Variants in ANAPC4 observed in about 807,000 individuals in gnomAD.
ANAPC4 encodes anaphase promoting complex subunit 4, also known as anaphase-promoting complex subunit 4.
A neutral mutation model predicts 119.8 loss-of-function variants in ANAPC4; 63 were observed. The observed-to-expected ratio is 0.53, with a 90% CI of 0.43 to 0.65. The LOEUF (loss-of-function observed/expected upper bound fraction) is 0.65, where lower values mean the gene tolerates loss of function less well. Ranked by LOEUF, ANAPC4 falls within the 30% of genes least tolerant of loss-of-function variation. ANAPC4 has a pLI of 0.00. For missense variants in ANAPC4, 716 were observed against 945.1 expected (o/e 0.76, Z 3.18); for synonymous variants, 283 against 318.6 (o/e 0.89, Z 1.19).
Position 25,405,019 on chromosome 4 carries a change from A to G in ANAPC4, c.1271-554A>G, listed in dbSNP as rs1331044452. Among the ~76,000 whole-genome samples, 1 of 151,894 alleles carries G rather than the reference A, an allele frequency of 6.6e-6. No individual in the cohort carries two copies. Among genetic ancestry groups the G allele is most frequent in the Non-Finnish European group, 1.5e-5 (1 of 67,992 alleles). ...TTCAAATACCATGCAGAGGCACATA[A>G]AACATACTTTGTCTTGACTTAGGTG... On this transcript the variant is annotated intron_variant, in intron 17 of 28. Transcript: ENST00000315368. The surrounding 1 kb of genome is among the most constrained non-coding windows in gnomAD (Gnocchi z 4.6).
At chr4:25,409,285 TGAAAAA>T (rs1346550615) in intron 20 of ANAPC4, among the ~76,000 whole-genome samples, 1 of 152,234 alleles carries the variant, frequency 6.6e-6, no homozygotes, top group Non-Finnish European at 1.5e-5. Context: ...AATATGCTCA[TGAAAAA>T]GAAACACAAT....
At chr4:25,401,360 A>G (rs1722961681) in intron 16 of ANAPC4, among the ~76,000 whole-genome samples, 1 of 152,178 alleles carries the variant, frequency 6.6e-6, no homozygotes, top group Non-Finnish European at 1.5e-5. Flanking sequence ...CCCACGTGAA[A>G]GTGCCTTAGC....
chr4:25,416,727 A>C, intron 27 of ANAPC4, 129 bp downstream of exon 27: 1 of 681,188 alleles, frequency 1.5e-6, no homozygotes, highest in Non-Finnish European at 2.2e-6. Flanking sequence ...GAGGTAGCTG[A>C]GCAGAAATGC....
chr4:25,409,607 A>G (rs962732590), intron 20 of ANAPC4, 91 bp from the exon 21 acceptor site: 2 of 933,616 alleles, frequency 2.1e-6, no homozygotes, highest in Non-Finnish European at 3.3e-6. Context: ...GATTTACTAA[A>G]CTTAACTTTT....
chr4:25,410,154 A>G (rs186698384), intron 21 of ANAPC4, among the ~76,000 whole-genome samples: 52 of 152,260 alleles, frequency 3.4e-4, no homozygotes, highest in African/African-American at 1.1e-3. Context: ...GGGATGCTCA[A>G]CTGTATTCTC....
chr4:25,415,561 G>T (rs956917086), intron 26 of ANAPC4, 21 bp downstream of exon 26: 2 of 1,597,608 alleles, frequency 1.3e-6, no homozygotes, highest in Non-Finnish European at 1.7e-6. Flanking sequence ...AATCTTGTTT[G>T]GATGAAATGT....
At chr4:25,379,577 G>C (rs979747278) in intron 2 of ANAPC4, among the ~76,000 whole-genome samples, 3 of 152,222 alleles carry the variant, frequency 2.0e-5, no homozygotes, top group Admixed American at 6.5e-5. Context: ...CCTCAGGTGA[G>C]AGGCACATTT....
rs1047171125 is a variant in ANAPC4 at position 25,381,521 on chromosome 4, A to G, written c.235+1042A>G. Among the ~76,000 whole-genome samples, 7 of 151,986 alleles carry G rather than the reference A, an allele frequency of 4.6e-5. No homozygotes were observed. The East Asian group carries it at 1.4e-3, about 30-fold the overall frequency. On this transcript the variant is annotated intron_variant, in intron 3 of 28. Transcript: ENST00000315368. Reference sequence around the variant, plus strand: ...GAGAAAAGGTTTCACTGTGTTGGCCAGGCTGGTCTCGAACGCCTGGCCTCA... The same window carrying G: ...GAGAAAAGGTTTCACTGTGTTGGCCGGGCTGGTCTCGAACGCCTGGCCTCA...
At chr4:25,385,629 C>T (rs950269968) in intron 4 of ANAPC4, among the ~76,000 whole-genome samples, 13 of 152,110 alleles carry the variant, frequency 8.5e-5, no homozygotes, top group African/African-American at 1.2e-4. Context: ...CTTTTAATTT[C>T]CTTTAAGAAC....
chr4:25,394,965 C>A, intron 14 of ANAPC4, 60 bp downstream of exon 14: 1 of 1,269,484 alleles, frequency 7.9e-7, no homozygotes, highest in Non-Finnish European at 1.1e-6. Flanking sequence ...CGTTGGCCTT[C>A]TTTCCGCCGC....
chr4:25,411,156 T>C (rs891918697), intron 21 of ANAPC4, among the ~76,000 whole-genome samples: 12 of 152,184 alleles, frequency 7.9e-5, no homozygotes, highest in African/African-American at 2.7e-4. Context: ...AAGTTGGCTA[T>C]TGAATGGAGG....
intron 3 of ANAPC4, among the ~76,000 whole-genome samples, chr4:25,382,712 A>G (rs1405875552): frequency 6.6e-6 from 1 of 152,174 alleles, no homozygotes; most frequent in Non-Finnish European, 1.5e-5. Flanking sequence ...CTCTTTTTGG[A>G]AATTCTTAAA....
chr4:25,381,279 C>G (rs1328598735), intron 3 of ANAPC4, among the ~76,000 whole-genome samples: 3 of 151,998 alleles, frequency 2.0e-5, no homozygotes, highest in African/African-American at 7.3e-5. Flanking sequence ...AACATATATG[C>G]TCCTCATTGC....
At position 25,397,679 on chromosome 4, in the gene ANAPC4, A is replaced by G. The variant is rs190885596; in HGVS notation, c.1214+780A>G. 2.7e-3 allele frequency among the ~76,000 whole-genome samples: 411 copies of G among 151,482 alleles called. 3 individuals carry two copies. Among genetic ancestry groups the G allele is most frequent in the African/African-American group, 9.4e-3 (388 of 41,328 alleles). On this transcript the variant is annotated intron_variant, in intron 16 of 28. Coordinates refer to ENST00000315368, the MANE Select transcript of ANAPC4 (RefSeq NM_013367.3). ...CATAGAACTTCAAAAGCAGAGTTCC[A>G]TAGGATTCTGTGCTTTTTGTTGCTG...
intron 19 of ANAPC4, 51 bp from the exon 20 acceptor site, chr4:25,407,146 T>C (rs1028169617): frequency 2.0e-6 from 3 of 1,483,172 alleles, no homozygotes; most frequent in African/African-American, 1.4e-5. Flanking sequence ...ATTTAAGATA[T>C]TTTTCTTCGT....
intron 21 of ANAPC4, among the ~76,000 whole-genome samples, chr4:25,412,391 G>T (rs537411299): frequency 6.6e-6 from 1 of 152,074 alleles, no homozygotes; most frequent in Non-Finnish European, 1.5e-5. Context: ...GGAGGCTGGC[G>T]GGTGGAGCTG....
intron 25 of ANAPC4, 129 bp from the exon 26 acceptor site, chr4:25,415,337 A>G: frequency 1.6e-6 from 1 of 616,686 alleles, no homozygotes; most frequent in East Asian, 3.0e-5. Context: ...CTAGGCATTT[A>G]AACAAGTTCT....
chr4:25,406,075 T>C (rs1488718905), intron 18 of ANAPC4, among the ~76,000 whole-genome samples: 1 of 152,194 alleles, frequency 6.6e-6, no homozygotes, highest in African/African-American at 2.4e-5. Context: ...TCTTACGGAA[T>C]AGGGCAGAAT....
Position 25,418,247 on chromosome 4 carries a change from C to T in ANAPC4, c.2292C>T (p.Ala764=). 3.7e-6 allele frequency: 6 copies of T among 1,613,920 alleles called. No individual in the cohort carries two copies. The highest frequency in any genetic ancestry group is 5.1e-6 in the Non-Finnish European group (6 of 1,179,950). Residue 764 remains alanine, a synonymous_variant, in exon 29 of 29, where the codon GCC becomes GCT. Transcript: ENST00000315368. ...AGTCTTCAGATGAAGAGGAGGAGGC[C>T]AGTAATAAGCCTGTAAAAATAAAGG... ...LDESSDEEEE[A]SNKPVKIKEE...
Sources: gnomAD v4.1 joint callset for allele counts (sites outside exome capture counted in the v4.1 genomes callset) on GRCh38, gnomAD v4.1.1 for gene constraint, Gnocchi (gnomAD v3.1) non-coding constraint, MANE v1.5 for transcripts, NCBI Gene and HGNC (gene_info 2026-07-23, HGNC 2026-07-21) for gene names.